The following ANO3 variants were observed in gnomAD, a reference collection of about 807,000 sequenced individuals.
ANO3 encodes the protein anoctamin-3.
A neutral mutation model predicts 144.8 loss-of-function variants in ANO3; 99 were observed. The ratio of observed to expected loss-of-function variants is 0.68; its 90% CI spans 0.58 to 0.81. ANO3 has a LOEUF of 0.81. ANO3 is among the 30% of genes least tolerant of loss of function. The probability of loss-of-function intolerance (pLI) is 0.00; values close to 1 mark genes in which losing one functional copy is unlikely to be tolerated. For missense variants in ANO3, 905 were observed against 1,202.2 expected (o/e 0.75, Z 3.66); for synonymous variants, 414 against 392.6 (o/e 1.05, Z -0.64).
chr11:26,261,643 C>A (rs908595134), intron 1 of ANO3, among the ~76,000 whole-genome samples: 1 of 152,154 alleles, frequency 6.6e-6, no homozygotes, highest in Non-Finnish European at 1.5e-5. Context: ...ATTCCACAAC[C>A]GACAGTCACT....
At chr11:26,455,885 A>G (rs1859136323) in intron 3 of ANO3, among the ~76,000 whole-genome samples, 1 of 151,870 alleles carries the variant, frequency 6.6e-6, no homozygotes, top group Non-Finnish European at 1.5e-5. Context: ...GATATAGATC[A>G]ATGGAACAGA....
intron 1 of ANO3, among the ~76,000 whole-genome samples, chr11:26,313,806 GT>G (rs1236168148): frequency 6.6e-6 from 1 of 151,130 alleles, no homozygotes; most frequent in African/African-American, 2.4e-5. Context: ...TAAATGCTAT[GT>G]AAATGTATGC....
chr11:26,421,568 T>C (rs1334738018), intron 1 of ANO3, among the ~76,000 whole-genome samples: 1 of 152,014 alleles, frequency 6.6e-6, no homozygotes, highest in Non-Finnish European at 1.5e-5. Context: ...TTTATAGACA[T>C]GATGTAAAAA....
intron 4 of ANO3, among the ~76,000 whole-genome samples, chr11:26,495,481 A>G (rs1341749691): frequency 6.6e-6 from 1 of 152,094 alleles, no homozygotes; most frequent in Non-Finnish European, 1.5e-5. Flanking sequence ...ATAGGCATGA[A>G]TATTTTATGA....
In ANO3 at chr11:26,660,546, C is replaced by A; in HGVS notation, c.*102C>A. ...TAGGAGGAAGGCATACTTGGCAAAC[C>A]ACATGTATAATATGCTACTTGGAAA... is the stretch of plus-strand genomic sequence containing the variant. On this transcript the variant is annotated 3_prime_UTR_variant, in exon 27 of 27. Transcript: ENST00000256737. The A allele has an allele frequency of 9.6e-7, 1 of 1,038,336 alleles. No homozygotes were observed. Among genetic ancestry groups the A allele is most frequent in the Non-Finnish European group, 1.4e-6 (1 of 721,468 alleles). 64.3% of individuals were successfully genotyped at this position (1,038,336 alleles called of 1,614,324 possible). A position where few individuals can be genotyped will look rare whatever the true frequency, so the allele number is the denominator to read the frequency against.
intron 1 of ANO3, among the ~76,000 whole-genome samples, chr11:26,221,536 C>T (rs1306126481): frequency 6.6e-6 from 1 of 152,172 alleles, no homozygotes; most frequent in Non-Finnish European, 1.5e-5. Context: ...TCACAGGTTC[C>T]TTATCTACTT....
intron 1 of ANO3, among the ~76,000 whole-genome samples, chr11:26,247,222 G>A (rs774325870): frequency 1.3e-5 from 2 of 152,108 alleles, no homozygotes; most frequent in Non-Finnish European, 2.9e-5. Context: ...ATTTTTACGT[G>A]TAGATTTCTG....
intron 4 of ANO3, among the ~76,000 whole-genome samples, chr11:26,502,070 A>G (rs1452878124): frequency 1.3e-5 from 2 of 152,182 alleles, no homozygotes; most frequent in Non-Finnish European, 2.9e-5. Flanking sequence ...TTCCTTTGCT[A>G]TGGTTCCATA....
At chr11:26,554,151 G>T (rs1850018386) in intron 13 of ANO3, among the ~76,000 whole-genome samples, 1 of 151,942 alleles carries the variant, frequency 6.6e-6, no homozygotes, top group South Asian at 2.1e-4. Flanking sequence ...AGATAAATTT[G>T]TATTTTCTAG....
At chr11:26,623,317 G>C (rs10835024) in intron 17 of ANO3, among the ~76,000 whole-genome samples, 44,240 of 151,992 alleles carry the variant, frequency 0.29, 6,787 homozygotes, top group South Asian at 0.45. Flanking sequence ...TTAATTTTTC[G>C]TGCCAACAGG....
intron 1 of ANO3, among the ~76,000 whole-genome samples, chr11:26,438,610 A>AAAAAAAAAG (rs1565024965): frequency 7.0e-3 from 518 of 73,808 alleles, no homozygotes; most frequent in Non-Finnish European, 8.5e-3. Flanking sequence ...AAAAAAAAAG[A>AAAAAAAAAG]AAAAAAAAAA....
At chr11:26,401,799 C>T (rs1857153505) in intron 1 of ANO3, among the ~76,000 whole-genome samples, 1 of 152,014 alleles carries the variant, frequency 6.6e-6, no homozygotes, top group Non-Finnish European at 1.5e-5. Context: ...CTCACTTGAA[C>T]CCAGGAGACG....
chr11:26,193,348 G>A (rs1851515872), intron 1 of ANO3, among the ~76,000 whole-genome samples: 1 of 151,872 alleles, frequency 6.6e-6, no homozygotes, highest in South Asian at 2.1e-4. Flanking sequence ...CTCTGTGTTA[G>A]TCATGCTGGT....
chr11:26,306,771 C>G (rs1854393538), upstream of ANO3, among the ~76,000 whole-genome samples: 1 of 152,192 alleles, frequency 6.6e-6, no homozygotes, highest in African/African-American at 2.4e-5. Flanking sequence ...TCCCTGCATT[C>G]CTAACTTTGT....
At chr11:26,516,973 G>A in intron 6 of ANO3, 46 bp downstream of exon 6, 1 of 1,195,574 alleles carries the variant, frequency 8.4e-7, no homozygotes, top group Non-Finnish European at 1.2e-6. Context: ...ATATTAAAAT[G>A]AGTCTATCTT....
At chr11:26,647,314 CCA>C (rs1170234877) in intron 23 of ANO3, among the ~76,000 whole-genome samples, 2 of 152,040 alleles carry the variant, frequency 1.3e-5, no homozygotes, top group Non-Finnish European at 2.9e-5. Flanking sequence ...AAGACAAACC[CCA>C]GAGTGAATGC....
chr11:26,284,937 C>T (rs192829056), intron 1 of ANO3, among the ~76,000 whole-genome samples: 1 of 152,162 alleles, frequency 6.6e-6, no homozygotes, highest in African/African-American at 2.4e-5. Flanking sequence ...ATTTTGAATA[C>T]TCATCTTTCT....
chr11:26,190,745 C>T (rs2133902151), intron 1 of ANO3, among the ~76,000 whole-genome samples: 1 of 152,262 alleles, frequency 6.6e-6, no homozygotes, highest in Non-Finnish European at 1.5e-5. Flanking sequence ...TTATACACAT[C>T]TATAGTGCAG....
chr11:26,463,927 A>G (rs971336584), intron 4 of ANO3, among the ~76,000 whole-genome samples: 6 of 151,704 alleles, frequency 4.0e-5, no homozygotes, highest in Non-Finnish European at 8.8e-5. Flanking sequence ...TGTGTTGATG[A>G]AAAAGGAAAT....
Sources: gnomAD v4.1 joint callset for allele counts (sites outside exome capture counted in the v4.1 genomes callset) on GRCh38, gnomAD v4.1.1 for gene constraint, MANE v1.5 for transcripts, NCBI Gene and HGNC (gene_info 2026-07-23, HGNC 2026-07-21) for gene names.